The following ADAMTS19 variants were observed in gnomAD, a reference collection of about 807,000 sequenced individuals.
ADAMTS19 encodes the protein ADAM metallopeptidase with thrombospondin type 1 motif 19.
In ADAMTS19, 93 loss-of-function variants were observed where a neutral mutation model predicts 153.3. The ratio of observed to expected loss-of-function variants is 0.61; its 90% CI spans 0.51 to 0.72. The LOEUF is 0.72. ADAMTS19 is among the 30% of genes least tolerant of loss of function. The probability of loss-of-function intolerance (pLI) is 0.00; values close to 1 mark genes in which losing one functional copy is unlikely to be tolerated. For missense variants in ADAMTS19, 1,482 were observed against 1,552.1 expected (o/e 0.95, Z 0.76); for synonymous variants, 600 against 556.6 (o/e 1.08, Z -1.10).
At chr5:129,540,811 G>C (rs1752630578) in intron 6 of ADAMTS19, among the ~76,000 whole-genome samples, 4 of 151,878 alleles carry the variant, frequency 2.6e-5, no homozygotes, top group Admixed American at 2.6e-4. Context: ...TCAGAACTTA[G>C]GCAAAATTTA....
chr5:129,640,004 A>G (rs1167123585), intron 10 of ADAMTS19, among the ~76,000 whole-genome samples: 1 of 152,212 alleles, frequency 6.6e-6, no homozygotes, highest in Admixed American at 6.5e-5. Context: ...ATTTATAGGC[A>G]TTCTTTACAA....
At chr5:129,666,932 A>G (rs1215642653) in intron 16 of ADAMTS19, among the ~76,000 whole-genome samples, 1 of 152,180 alleles carries the variant, frequency 6.6e-6, no homozygotes, top group African/African-American at 2.4e-5. Context: ...CTAAATTATA[A>G]TATGGGTTTT....
At chr5:129,551,960 A>C in intron 7 of ADAMTS19, 53 bp downstream of exon 7, 3 of 1,202,724 alleles carry the variant, frequency 2.5e-6, no homozygotes, top group South Asian at 3.1e-5. Context: ...TGAACATATC[A>C]CTTGTTTAAG....
chr5:129,658,347 A>AGAGAGAGAGAG (rs1554103336), intron 14 of ADAMTS19, among the ~76,000 whole-genome samples: 8 of 116,064 alleles, frequency 6.9e-5, no homozygotes, highest in African/African-American at 2.2e-4. Flanking sequence ...GAAAGAAAGA[A>AGAGAGAGAGAG]AGAAAGAAAG....
At chr5:129,685,187 C>G (rs1755025182) in intron 18 of ADAMTS19, among the ~76,000 whole-genome samples, 1 of 151,686 alleles carries the variant, frequency 6.6e-6, no homozygotes, top group East Asian at 1.9e-4. Context: ...AGAATAGTCA[C>G]CAAAGACTTT....
At chr5:129,615,064 A>G (rs894385792) in intron 8 of ADAMTS19, among the ~76,000 whole-genome samples, 3 of 102,748 alleles carry the variant, frequency 2.9e-5, no homozygotes, top group African/African-American at 8.3e-5. Flanking sequence ...AGAACATTCC[A>G]TGCTCATGGA....
At chr5:129,665,659 G>C in intron 16 of ADAMTS19, 80 bp downstream of exon 16, 1 of 1,098,036 alleles carries the variant, frequency 9.1e-7, no homozygotes, top group Non-Finnish European at 1.3e-6. Context: ...TGAGGAGGAA[G>C]TCAATCTGTT....
intron 6 of ADAMTS19, among the ~76,000 whole-genome samples, chr5:129,538,746 A>G (rs868410858): frequency 1.3e-5 from 2 of 152,110 alleles, no homozygotes; most frequent in African/African-American, 4.8e-5. Context: ...TTCCCTTAAA[A>G]GTCTGTTTCA....
intron 22 of ADAMTS19, 150 bp from the exon 23 acceptor site, chr5:129,736,917 G>T: frequency 1.7e-6 from 1 of 577,978 alleles, no homozygotes; most frequent in Non-Finnish European, 2.7e-6. Flanking sequence ...GTGTATGTGT[G>T]TGTATCTCTT....
chr5:129,664,190 A>G (rs1447166043), intron 15 of ADAMTS19, among the ~76,000 whole-genome samples: 2 of 152,166 alleles, frequency 1.3e-5, no homozygotes, highest in African/African-American at 2.4e-5. Flanking sequence ...TTCAGCAGAG[A>G]ATTAACCATA....
At chr5:129,616,152 T>C (rs1053294482) in intron 8 of ADAMTS19, among the ~76,000 whole-genome samples, 1 of 151,976 alleles carries the variant, frequency 6.6e-6, no homozygotes, top group Non-Finnish European at 1.5e-5. Context: ...AAAGGAAATA[T>C]GATACAAAAA....
At chr5:129,570,102 T>C (rs1753843786) in intron 7 of ADAMTS19, among the ~76,000 whole-genome samples, 3 of 151,944 alleles carry the variant, frequency 2.0e-5, no homozygotes, top group Non-Finnish European at 4.4e-5. Flanking sequence ...TCCTGGGAAA[T>C]CAAAATGGAA....
At chr5:129,526,075 T>TGA (rs1345249995) in intron 3 of ADAMTS19, among the ~76,000 whole-genome samples, 2 of 152,036 alleles carry the variant, frequency 1.3e-5, no homozygotes, top group Admixed American at 6.6e-5. Context: ...TCAGGCTGAC[T>TGA]GAGTGATGTT....
chr5:129,602,120 T>C (rs749553646), intron 8 of ADAMTS19, among the ~76,000 whole-genome samples: 2 of 152,228 alleles, frequency 1.3e-5, no homozygotes, highest in Non-Finnish European at 2.9e-5. Flanking sequence ...GAGACGGAGT[T>C]TCACTCTTGT....
intron 8 of ADAMTS19, among the ~76,000 whole-genome samples, chr5:129,620,095 T>TA (rs988948124): frequency 1.3e-5 from 2 of 151,874 alleles, no homozygotes; most frequent in Non-Finnish European, 2.9e-5. Context: ...CAGGATTCAT[T>TA]AAAAAAAGAC....
At position 129,575,576 on chromosome 5, in the gene ADAMTS19, A is replaced by G. The variant is rs79096381; in HGVS notation, c.1373-20983A>G. On this transcript the variant is annotated intron_variant, in intron 7 of 22. Transcript: ENST00000274487. ...TTCTTTGGCTTGTGAGCAAAGTCAT[A>G]TAGAAAGTCTAAGAACTCTGACTTT... Among the ~76,000 whole-genome samples, 658 of 152,270 alleles carry G rather than the reference A, an allele frequency of 4.3e-3. 4 individuals are homozygous for G. The highest frequency in any genetic ancestry group is 0.026 in the East Asian group (134 of 5,182).
chr5:129,622,421 T>C, intron 10 of ADAMTS19, 73 bp downstream of exon 10: 1 of 1,546,682 alleles, frequency 6.5e-7, no homozygotes, highest in Non-Finnish European at 8.8e-7. Context: ...GAAGGTAACA[T>C]TATTTTAGGG....
chr5:129,735,054 T>A lies in ADAMTS19; in HGVS notation c.3435T>A (p.His1145Gln), dbSNP rs180959696. The A allele has an allele frequency of 4.3e-6, 7 of 1,610,026 alleles. No individual in the cohort carries two copies. The African/African-American group carries it at 9.4e-5, about 22-fold the overall frequency. ...AACCTGCAGCATACAGGCCATGCCA[T>A]CTTCAACCCTGCAATGAGAAAATTA... ...SEKPAAYRPC[H>Q]LQPCNEKINV... The change falls in exon 22 of 23, where the codon CAT (histidine) becomes CAA (glutamine). Residue 1145 changes from histidine to glutamine, a missense_variant. By Grantham distance (24) the His-to-Gln change is conservative. This residue lies in a region of ADAMTS19 where 616 missense variants were observed against 724.4 expected (regional missense o/e 0.85). Coordinates refer to ENST00000274487, the MANE Select transcript of ADAMTS19 (RefSeq NM_133638.6).
intron 2 of ADAMTS19, among the ~76,000 whole-genome samples, chr5:129,493,543 G>A (rs960092718): frequency 1.3e-5 from 2 of 151,988 alleles, no homozygotes; most frequent in Non-Finnish European, 2.9e-5. Context: ...TAATCACATA[G>A]GATGAGAGTA....
Sources: gnomAD v4.1 joint callset for allele counts (sites outside exome capture counted in the v4.1 genomes callset) on GRCh38, gnomAD v4.1.1 for gene constraint, gnomAD v4.1.1 regional missense constraint, MANE v1.5 for transcripts, NCBI Gene and HGNC (gene_info 2026-07-23, HGNC 2026-07-21) for gene names.